The following LARGE1 variants were observed in gnomAD, a reference collection of about 807,000 sequenced individuals.
LARGE1 encodes xylosyl- and glucuronyltransferase LARGE1.
Under a neutral mutation model 87.6 loss-of-function variants are expected in LARGE1, and 43 were observed. That is an observed-to-expected ratio of 0.49 (90% confidence interval 0.38 to 0.63). The LOEUF (loss-of-function observed/expected upper bound fraction) is 0.63, where lower values mean the gene tolerates loss of function less well. Ranked by LOEUF, LARGE1 falls within the 30% of genes least tolerant of loss-of-function variation. The pLI is 0.00. For synonymous variants in LARGE1, 434 were observed against 394.6 expected (o/e 1.10, Z -1.18); for missense variants, 802 against 1,000.2 (o/e 0.80, Z 2.67).
the LARGE1 span, among the ~76,000 whole-genome samples, chr22:33,100,840 A>ATTTT: frequency 1.5e-5 from 2 of 137,272 alleles, no homozygotes; most frequent in Non-Finnish European, 1.6e-5. Flanking sequence ...ATTAACTTCT[A>ATTTT]TTTTTTTTTT....
chr22:33,406,266 C>T (rs1049905447), intron 7 of LARGE1, among the ~76,000 whole-genome samples: 1 of 152,178 alleles, frequency 6.6e-6, no homozygotes, highest in Admixed American at 6.5e-5. Flanking sequence ...ATTCCACAGC[C>T]TGGCGTGCCC....
At chr22:33,152,659 T>C in the LARGE1 span, among the ~76,000 whole-genome samples, 153 of 152,304 alleles carry the variant, frequency 1.0e-3, no homozygotes, top group African/African-American at 3.6e-3. Flanking sequence ...TATTTTGGTA[T>C]ACATGTGCAA....
At chr22:33,808,895 C>G (rs1218577523) in intron 1 of LARGE1, among the ~76,000 whole-genome samples, 3 of 152,160 alleles carry the variant, frequency 2.0e-5, no homozygotes, top group African/African-American at 7.2e-5. Context: ...AAATCCCAGA[C>G]CCATCTTCAT....
rs147266009 is a variant in LARGE1 at position 33,841,108 on chromosome 22, C to T, written c.-83+78887G>A. ...CATGTTTAAGGCAGGCTAAGCTAAACTATGCTGTAATGTAGGTTAAATGTA... is the reference window on the plus strand; with the variant it reads ...CATGTTTAAGGCAGGCTAAGCTAAATTATGCTGTAATGTAGGTTAAATGTA... On this transcript the variant is annotated intron_variant, in intron 1 of 14. Coordinates refer to ENST00000397394, the MANE Select transcript of LARGE1 (RefSeq NM_133642.5). Among the ~76,000 whole-genome samples the T allele has an allele frequency of 9.2e-5, 14 of 152,298 alleles. No individual in the cohort carries two copies. The East Asian group carries it at 2.7e-3, about 29-fold the overall frequency.
At chr22:33,077,612 C>T in the LARGE1 span, among the ~76,000 whole-genome samples, 2 of 152,030 alleles carry the variant, frequency 1.3e-5, no homozygotes, top group Admixed American at 6.6e-5. Flanking sequence ...AATCTTTTTT[C>T]CTTGAGGGGA....
chr22:33,539,206 G>A (rs2077121983), intron 6 of LARGE1, among the ~76,000 whole-genome samples: 1 of 151,966 alleles, frequency 6.6e-6, no homozygotes, highest in Non-Finnish European at 1.5e-5. Context: ...AGTATGGTTG[G>A]CCCTACATCT....
chr22:33,432,249 G>C lies in LARGE1; in HGVS notation c.804C>G (p.Gly268=), dbSNP rs369673305. The C allele has an allele frequency of 1.2e-6, 2 of 1,614,040 alleles. No homozygotes were observed. Among genetic ancestry groups the C allele is most frequent in the East Asian group, 4.5e-5 (2 of 44,874 alleles). Residue 268 remains glycine (G), a synonymous_variant, in exon 7 of 15, where the codon GGC becomes GGG. Transcript: ENST00000397394. ...ACCAGTCACTCTGGTTCTCCACCAAGCCCAGGACTTGCTGACCTGTGAGGT... is the reference window on the plus strand; with the variant it reads ...ACCAGTCACTCTGGTTCTCCACCAACCCCAGGACTTGCTGACCTGTGAGGT... ...FHKFKGQQVL[G]LVENQSDWYL...
intron 1 of LARGE1, among the ~76,000 whole-genome samples, chr22:33,846,882 G>C (rs1394630662): frequency 6.6e-6 from 1 of 152,114 alleles, no homozygotes. Context: ...TGACAATGGT[G>C]CCCGAAACTT....
At chr22:33,671,401 A>G (rs1201377737) in intron 2 of LARGE1, among the ~76,000 whole-genome samples, 2 of 152,240 alleles carry the variant, frequency 1.3e-5, no homozygotes, top group Non-Finnish European at 2.9e-5. Flanking sequence ...CTATACGTAA[A>G]GTGTAAAATG....
At chr22:33,081,640 T>G in the LARGE1 span, among the ~76,000 whole-genome samples, 470 of 152,338 alleles carry the variant, frequency 3.1e-3, 11 homozygotes, top group Admixed American at 0.026. Context: ...CTGAAAACTA[T>G]GGACATGCTC....
At chr22:33,916,409 G>A (rs2065788262) in intron 1 of LARGE1, among the ~76,000 whole-genome samples, 1 of 152,170 alleles carries the variant, frequency 6.6e-6, no homozygotes, top group Admixed American at 6.5e-5. Flanking sequence ...CAGGGTAGAT[G>A]GTCTATTATT....
At chr22:33,573,594 G>A (rs1012599308) in intron 5 of LARGE1, among the ~76,000 whole-genome samples, 2 of 152,186 alleles carry the variant, frequency 1.3e-5, no homozygotes, top group African/African-American at 4.8e-5. Flanking sequence ...CAGGGTCCAT[G>A]ATGAAGGAAA....
In LARGE1 at chr22:33,345,100, T is replaced by C. The variant is rs975019166; in HGVS notation, c.1132-7299A>G. Among the ~76,000 whole-genome samples, 8 of 152,330 alleles carry C rather than the reference T, an allele frequency of 5.3e-5. No homozygotes were observed. The East Asian group carries it at 1.5e-3, about 29-fold the overall frequency. ...CAAGTAGTAATAATAATAATTATTA[T>C]TAGCAGCTAACATGTATCAGACACT... On this transcript the variant is annotated intron_variant, in intron 9 of 14. Coordinates refer to ENST00000397394, the MANE Select transcript of LARGE1 (RefSeq NM_133642.5).
intron 7 of LARGE1, among the ~76,000 whole-genome samples, chr22:33,430,371 T>C (rs1244125210): frequency 1.3e-5 from 2 of 152,188 alleles, no homozygotes; most frequent in Admixed American, 6.5e-5. Flanking sequence ...AAATACCTCC[T>C]GACCTGCTAA....
At chr22:33,459,019 T>A (rs77707247) in intron 6 of LARGE1, among the ~76,000 whole-genome samples, 10 of 152,134 alleles carry the variant, frequency 6.6e-5, no homozygotes, top group Admixed American at 2.0e-4. Flanking sequence ...ATTTTTTTTT[T>A]AATTTCTTCT....
chr22:33,662,694 C>T (rs763267721), intron 2 of LARGE1, among the ~76,000 whole-genome samples: 3 of 152,038 alleles, frequency 2.0e-5, no homozygotes, highest in Admixed American at 1.3e-4. Flanking sequence ...AGCCATCCAA[C>T]GGCATGAGTA....
chr22:33,221,948 A>G (rs1370770712), intron 11 of LARGE1, among the ~76,000 whole-genome samples: 1 of 152,234 alleles, frequency 6.6e-6, no homozygotes, highest in Admixed American at 6.5e-5. Context: ...TGGGCGGGCT[A>G]CATATCAACT....
intron 3 of LARGE1, among the ~76,000 whole-genome samples, chr22:33,627,937 G>A (rs966222093): frequency 1.3e-5 from 2 of 152,084 alleles, no homozygotes; most frequent in East Asian, 1.9e-4. Flanking sequence ...TCCCTTTGCC[G>A]TTGACTGTTA....
intron 1 of LARGE1, among the ~76,000 whole-genome samples, 158 bp downstream of exon 1, chr22:33,919,837 A>G (rs2065893467): frequency 6.6e-6 from 1 of 152,154 alleles, no homozygotes; most frequent in Non-Finnish European, 1.5e-5. Context: ...TTCCACCTCC[A>G]GCCTCTCCAG....
Sources: gnomAD v4.1 joint callset for allele counts (sites outside exome capture counted in the v4.1 genomes callset) on GRCh38, gnomAD v4.1.1 for gene constraint, MANE v1.5 for transcripts, NCBI Gene and HGNC (gene_info 2026-07-23, HGNC 2026-07-21) for gene names.